The following BDNF variants were observed in gnomAD, a reference collection of about 807,000 sequenced individuals.
BDNF encodes the protein neurotrophic factor BDNF precursor form.
BDNF carries 1 observed loss-of-function variant against 19.5 expected under a neutral mutation model. The observed-to-expected ratio is 0.05, with a 90% CI of 0.02 to 0.24. The LOEUF (loss-of-function observed/expected upper bound fraction) is 0.24, where lower values mean the gene tolerates loss of function less well. Among genes scored for constraint, BDNF ranks in the 10% least tolerant of loss-of-function variants. BDNF has a pLI of 1.00. For missense variants in BDNF, 195 were observed against 317.6 expected, an observed-to-expected ratio of 0.61 and a Z score of 2.93; for synonymous variants, 100 against 121.6, an observed-to-expected ratio of 0.82 and a Z score of 1.17.
chr11:27,660,400 G>C lies in BDNF; in HGVS notation c.-21-1815C>G, dbSNP rs189558882. ...GGAAAATTGGTTTGAATAAAATACA[G>C]ATGTCTATTCCGCTAACAACTAAAT... On this transcript the variant is annotated intron_variant, in intron 1 of 1. Transcript: ENST00000356660. The C allele has an allele frequency of 1.2e-5, 4 of 324,008 alleles. No homozygotes were observed. The East Asian group carries it at 4.2e-4, about 34-fold the overall frequency. The allele number at this position is 324,008 out of a possible 1,614,324, so 20.1% of individuals were successfully genotyped here.
At position 27,674,321 on chromosome 11, in the gene BDNF, A is replaced by G. The variant is rs1211445203; in HGVS notation, c.-21-15736T>C. On this transcript the variant is annotated intron_variant, in intron 1 of 1. Transcript: ENST00000356660. The stretch of plus-strand genomic sequence containing the variant: ...TCGGGTTATTTTTGCATCCCACTCT[A>G]TAATTTCTTTTAATTACTTAACTGT... 3.9e-6 allele frequency: 6 copies of G among 1,546,722 alleles called. No homozygotes were observed. The South Asian group carries it at 7.2e-5, about 18-fold the overall frequency.
At chr11:27,689,230 G>T (rs1414449717) in intron 1 of BDNF, among the ~76,000 whole-genome samples, 1 of 152,112 alleles carries the variant, frequency 6.6e-6, no homozygotes, top group East Asian at 1.9e-4. Flanking sequence ...CTGGAGTGGT[G>T]GTAAGGGGAC....
chr11:27,698,667 C>CAGT (rs1341278309), intron 1 of BDNF, among the ~76,000 whole-genome samples: 7 of 152,020 alleles, frequency 4.6e-5, no homozygotes, highest in Non-Finnish European at 4.4e-5. Context: ...TATCATGTCG[C>CAGT]CTTTTATATG....
chr11:27,698,581 T>C (rs955440776), intron 1 of BDNF, among the ~76,000 whole-genome samples: 1 of 152,098 alleles, frequency 6.6e-6, no homozygotes, highest in Admixed American at 6.5e-5. Flanking sequence ...CATATAAAAA[T>C]AGATTTTTCC....
At position 27,658,747 on chromosome 11, in the gene BDNF, CAGT is replaced by C; in HGVS notation, c.-21-165_-21-163del. 6.6e-7 allele frequency: 1 copy of C among 1,522,136 alleles called. No homozygotes were observed. Among genetic ancestry groups the C allele is most frequent in the Non-Finnish European group, 8.8e-7 (1 of 1,135,568 alleles). 94.3% of individuals were successfully genotyped at this position (1,522,136 alleles called of 1,614,324 possible). A position where few individuals can be genotyped will look rare whatever the true frequency, so the allele number is the denominator to read the frequency against. The stretch of plus-strand genomic sequence containing the variant: ...AGCTGCACCAGACACAAATCAGTGT[CAGT>C]AGTGTGCTGTATGTGGTTTAATATA... On this transcript the variant is annotated intron_variant, in intron 1 of 1. Transcript: ENST00000356660. The surrounding 1 kb of genome is among the most constrained non-coding windows in gnomAD (Gnocchi z 5.7).
intron 1 of BDNF, among the ~76,000 whole-genome samples, chr11:27,661,695 C>G (rs904603506): frequency 1.3e-5 from 2 of 152,220 alleles, no homozygotes; most frequent in African/African-American, 4.8e-5. Flanking sequence ...ACTCAACTCT[C>G]TCCAACATCT....
chr11:27,669,822 G>A (rs1855031234), intron 1 of BDNF, among the ~76,000 whole-genome samples: 1 of 152,070 alleles, frequency 6.6e-6, no homozygotes, highest in Admixed American at 6.6e-5. Context: ...CATGAAAATG[G>A]CCATACTACC....
Position 27,659,047 on chromosome 11 carries a change from T to C in BDNF, c.-21-462A>G. On this transcript the variant is annotated intron_variant, in intron 1 of 1. Transcript: ENST00000356660. The stretch of plus-strand genomic sequence containing the variant: ...CAGGAATGTGTGACAGGAACAGCAG[T>C]GGCCTGAGGGGTCTGATGGGCCTTT... The C allele has an allele frequency of 3.8e-6, 4 of 1,050,124 alleles. No homozygotes were observed. In the South Asian group the frequency reaches 1.4e-4, roughly 37 times the overall value. 65.1% of individuals were successfully genotyped at this position (1,050,124 alleles called of 1,614,324 possible).
intron 1 of BDNF, among the ~76,000 whole-genome samples, chr11:27,663,491 C>G (rs183500042): frequency 1.3e-3 from 201 of 152,362 alleles, no homozygotes; most frequent in African/African-American, 4.7e-3. Flanking sequence ...ACAACATGCT[C>G]TTTTACTCTT....
At chr11:27,659,882 T>C (rs1043460596) in intron 1 of BDNF, among the ~76,000 whole-genome samples, 3 of 152,162 alleles carry the variant, frequency 2.0e-5, no homozygotes, top group Non-Finnish European at 4.4e-5. Context: ...TTAAAATGGA[T>C]GAACAAGCAA....
intron 1 of BDNF, chr11:27,659,428 G>A: frequency 1.0e-6 from 1 of 1,000,304 alleles, no homozygotes; most frequent in Non-Finnish European, 1.2e-6. Flanking sequence ...CTAATGTCAT[G>A]AAAACAATGT....
chr11:27,702,721 A>G (rs1316725562), upstream of BDNF, among the ~76,000 whole-genome samples: 1 of 152,172 alleles, frequency 6.6e-6, no homozygotes, highest in African/African-American at 2.4e-5. Flanking sequence ...ATTCACTAAC[A>G]TTAGCTATTT....
At chr11:27,700,008 T>C (rs1859715589) in intron 1 of BDNF, among the ~76,000 whole-genome samples, 156 bp downstream of exon 1, 1 of 151,808 alleles carries the variant, frequency 6.6e-6, no homozygotes, top group Admixed American at 6.6e-5. Context: ...GGGAGAAAAC[T>C]CCCCAAGAGT....
At chr11:27,717,027 T>G (rs1437219156) in intron 1 of BDNF, among the ~76,000 whole-genome samples, 1 of 152,192 alleles carries the variant, frequency 6.6e-6, no homozygotes, top group Non-Finnish European at 1.5e-5. Context: ...GATTTTGGAA[T>G]GTTGTTTCTT....
At chr11:27,699,773 C>G in intron 1 of BDNF, 1 of 1,153,494 alleles carries the variant, frequency 8.7e-7, no homozygotes, top group Non-Finnish European at 1.1e-6. Flanking sequence ...CCTAGCCTAG[C>G]CCCAGCACCC....
rs1860735510 is a variant in BDNF, at chr11:27,721,335, G to A, written c.3+77C>T. 1.9e-6 allele frequency: 3 copies of A among 1,538,900 alleles called. No homozygotes were observed. In the Admixed American group the frequency reaches 5.0e-5, roughly 26 times the overall value. ...TGTTCTTTGGCGTGTGAAGTGCTAG[G>A]AAGAGCCGTGATATGCCCGTTGTTA... On this transcript the variant is annotated intron_variant, in intron 1 of 1. Transcript: ENST00000314915.
intron 1 of BDNF, among the ~76,000 whole-genome samples, chr11:27,706,726 G>C (rs1258224605): frequency 1.3e-5 from 2 of 152,148 alleles, no homozygotes; most frequent in African/African-American, 4.8e-5. Context: ...GGAAACACAG[G>C]AGTCATGAAT....
chr11:27,656,770 A>G lies in BDNF; in HGVS notation c.*1051T>C. On this transcript the variant is annotated 3_prime_UTR_variant, in exon 2 of 2. Coordinates refer to ENST00000356660, the MANE Select transcript of BDNF (RefSeq NM_001709.5). ...CCCAAATGTTCACTCCTCATAAAAA[A>G]TAATCTTCATTTTGGGGTTATTTTT... 1.0e-6 allele frequency: 1 copy of G among 985,390 alleles called. No individual in the cohort carries two copies. Among genetic ancestry groups the G allele is most frequent in the Non-Finnish European group, 1.2e-6 (1 of 829,928 alleles). 61.0% of individuals were successfully genotyped at this position (985,390 alleles called of 1,614,324 possible).
chr11:27,718,932 C>A (rs1219395094), intron 1 of BDNF, among the ~76,000 whole-genome samples: 12 of 152,056 alleles, frequency 7.9e-5, no homozygotes, highest in African/African-American at 2.7e-4. Context: ...GAGTCCAGAA[C>A]GACCAAACCC....
Sources: allele counts gnomAD v4.1 joint callset (sites outside exome capture counted in the v4.1 genomes callset), GRCh38; gene constraint gnomAD v4.1.1; non-coding constraint Gnocchi (gnomAD v3.1); transcripts MANE v1.5; gene names NCBI Gene and HGNC (gene_info 2026-07-23, HGNC 2026-07-21).